TASP1: variants seen among roughly 807,000 people sequenced by gnomAD.
TASP1 encodes threonine aspartase 1.
In TASP1, 16 loss-of-function variants were observed where a neutral mutation model predicts 56.6. The ratio of observed to expected loss-of-function variants is 0.28; its 90% CI spans 0.19 to 0.43. TASP1 has a LOEUF of 0.43. Among genes scored for constraint, TASP1 ranks in the 20% least tolerant of loss-of-function variants. TASP1 has a pLI of 1.00. For missense variants in TASP1, 393 were observed against 511.6 expected, an observed-to-expected ratio of 0.77 and a Z score of 2.24; for synonymous variants, 179 against 184.2, an observed-to-expected ratio of 0.97 and a Z score of 0.23.
chr20:13,585,390 A>G (rs189844286), intron 5 of TASP1, among the ~76,000 whole-genome samples: 2 of 152,192 alleles, frequency 1.3e-5, no homozygotes, highest in African/African-American at 4.8e-5. Flanking sequence ...AAAAAACACC[A>G]TTAAGAGATT....
chr20:13,287,342 T>A, the TASP1 span, among the ~76,000 whole-genome samples: 2 of 152,126 alleles, frequency 1.3e-5, no homozygotes, highest in Non-Finnish European at 2.9e-5. Context: ...GTGAGACTTA[T>A]TCACTGCCAC....
chr20:13,340,397 G>C, the TASP1 span, among the ~76,000 whole-genome samples: 1 of 151,954 alleles, frequency 6.6e-6, no homozygotes. Context: ...ACTACTGATT[G>C]GGTTTTCTGT....
intron 11 of TASP1, among the ~76,000 whole-genome samples, chr20:13,460,521 T>C (rs1054946175): frequency 3.3e-5 from 5 of 152,166 alleles, no homozygotes; most frequent in Admixed American, 6.5e-5. Context: ...TTGACACTTA[T>C]ATATGCAATT....
chr20:13,594,723 A>G (rs938909903), intron 4 of TASP1, among the ~76,000 whole-genome samples: 2 of 152,254 alleles, frequency 1.3e-5, no homozygotes, highest in African/African-American at 4.8e-5. Flanking sequence ...ATATGGGACT[A>G]TGTGAAAAGA....
chr20:13,562,073 G>A (rs1652243805), intron 7 of TASP1, among the ~76,000 whole-genome samples: 1 of 152,156 alleles, frequency 6.6e-6, no homozygotes, highest in South Asian at 2.1e-4. Flanking sequence ...GATTGTAAAA[G>A]ATAGGTATTG....
chr20:13,460,318 C>G (rs1217712415), intron 11 of TASP1, among the ~76,000 whole-genome samples: 1 of 152,176 alleles, frequency 6.6e-6, no homozygotes, highest in Non-Finnish European at 1.5e-5. Flanking sequence ...CCAGAAGCAC[C>G]AGCCACTCCT....
chr20:13,117,783 G>A, the TASP1 span: 2 of 1,450,824 alleles, frequency 1.4e-6, no homozygotes, highest in Non-Finnish European at 1.9e-6. Flanking sequence ...GATGCCGTGT[G>A]TAGGGCTTCT....
chr20:13,210,141 T>C, the TASP1 span, among the ~76,000 whole-genome samples: 1 of 152,222 alleles, frequency 6.6e-6, no homozygotes, highest in East Asian at 1.9e-4. Flanking sequence ...AAATATTATG[T>C]CTCTGAGAAT....
At chr20:13,107,814 C>T in the TASP1 span, among the ~76,000 whole-genome samples, 1 of 149,996 alleles carries the variant, frequency 6.7e-6, no homozygotes, top group Non-Finnish European at 1.5e-5. Context: ...TGATAACATG[C>T]CAGATATTAT....
the TASP1 span, chr20:13,167,206 T>C: frequency 6.6e-6 from 1 of 152,194 alleles, no homozygotes; most frequent in African/African-American, 2.4e-5. Context: ...TTTTTAATTT[T>C]TTTAAGAAAA....
chr20:13,600,800 C>G (rs1601401865), intron 4 of TASP1, among the ~76,000 whole-genome samples: 1 of 152,110 alleles, frequency 6.6e-6, no homozygotes, highest in African/African-American at 2.4e-5. Flanking sequence ...CACATACATA[C>G]ATACATAGGT....
chr20:13,342,033 A>G, the TASP1 span, among the ~76,000 whole-genome samples: 346 of 152,352 alleles, frequency 2.3e-3, 1 homozygote, highest in Non-Finnish European at 3.0e-3. Context: ...ACATTTGATT[A>G]GTCAAAGCAA....
the TASP1 span, among the ~76,000 whole-genome samples, chr20:13,278,821 T>A: frequency 2.0e-5 from 3 of 152,208 alleles, no homozygotes; most frequent in African/African-American, 4.8e-5. Context: ...CCTACTCACA[T>A]GACTGAGGCC....
chr20:13,253,050 A>G, the TASP1 span, among the ~76,000 whole-genome samples: 1 of 152,188 alleles, frequency 6.6e-6, no homozygotes, highest in Admixed American at 6.5e-5. Context: ...TGGCTTAATT[A>G]GAGACAGACA....
intron 11 of TASP1, among the ~76,000 whole-genome samples, chr20:13,438,799 A>G (rs2043108775): frequency 6.6e-6 from 1 of 152,232 alleles, no homozygotes; most frequent in African/African-American, 2.4e-5. Flanking sequence ...GAACTCAAAC[A>G]AATTTACAAG....
intron 8 of TASP1, among the ~76,000 whole-genome samples, chr20:13,556,994 T>C (rs1282434087): frequency 6.6e-6 from 1 of 152,240 alleles, no homozygotes; most frequent in African/African-American, 2.4e-5. Context: ...GCTTCCTCCA[T>C]CTTGTTCACC....
the TASP1 span, among the ~76,000 whole-genome samples, chr20:13,317,597 T>C: frequency 4.0e-5 from 6 of 151,850 alleles, no homozygotes; most frequent in Non-Finnish European, 7.4e-5. Context: ...AATAGGCAAA[T>C]AGATCAATGG....
intron 11 of TASP1, among the ~76,000 whole-genome samples, chr20:13,436,346 T>A (rs2043000151): frequency 1.4e-5 from 2 of 144,422 alleles, no homozygotes; most frequent in African/African-American, 5.6e-5. Flanking sequence ...TAAAGGGTTG[T>A]TTTAAAAAAA....
At chr20:13,126,358 A>C in the TASP1 span, among the ~76,000 whole-genome samples, 1 of 152,270 alleles carries the variant, frequency 6.6e-6, no homozygotes, top group South Asian at 2.1e-4. Context: ...TCAACTCCAA[A>C]CCTGCAGCAT....
Sources: gnomAD v4.1 joint callset for allele counts (sites outside exome capture counted in the v4.1 genomes callset) on GRCh38, gnomAD v4.1.1 for gene constraint, MANE v1.5 for transcripts, NCBI Gene and HGNC (gene_info 2026-07-23, HGNC 2026-07-21) for gene names.